The following CSMD1 variants were observed in gnomAD, a reference collection of about 807,000 sequenced individuals.
CSMD1 encodes the protein CUB and Sushi multiple domains 1, also known as CUB and sushi domain-containing protein 1.
In CSMD1, 213 loss-of-function variants were observed where a neutral mutation model predicts 417.5. That is an observed-to-expected ratio of 0.51 (90% CI 0.46 to 0.57). The LOEUF (loss-of-function observed/expected upper bound fraction) is 0.57, where lower values mean the gene tolerates loss of function less well. Ranked by LOEUF, CSMD1 falls within the 20% of genes least tolerant of loss-of-function variation. CSMD1 has a pLI of 0.00. For synonymous variants in CSMD1, 2,862 were observed against 1,736.8 expected, an observed-to-expected ratio of 1.65 and a Z score of -16.11; for missense variants, 6,923 against 4,529.7, an observed-to-expected ratio of 1.53 and a Z score of -15.17.
chr8:4,644,189 G>C lies in CSMD1; in HGVS notation c.86-6631C>G, dbSNP rs189487469. 2.4e-3 allele frequency among the ~76,000 whole-genome samples: 362 copies of C among 152,244 alleles called. 1 individual carries two copies. Among genetic ancestry groups the C allele is most frequent in the African/African-American group, 8.4e-3 (349 of 41,556 alleles). On this transcript the variant is annotated intron_variant, in intron 1 of 69. Transcript: ENST00000635120. ...GGTTTGTATCACTCCAAAAGGAAAA[G>C]GGAGGTTTTCACTGGTCAGTGTCAC...
intron 1 of CSMD1, among the ~76,000 whole-genome samples, chr8:4,829,877 T>C (rs1285314236): frequency 6.6e-6 from 1 of 152,214 alleles, no homozygotes; most frequent in East Asian, 1.9e-4. Flanking sequence ...GTACAAAGTT[T>C]ACTTTGAATG....
chr8:3,893,088 C>T (rs1244446376), intron 5 of CSMD1, among the ~76,000 whole-genome samples: 1 of 151,740 alleles, frequency 6.6e-6, no homozygotes, highest in African/African-American at 2.4e-5. Context: ...CTGGAATTAG[C>T]TTTCTATTAT....
chr8:3,729,217 A>G (rs1461957303), intron 6 of CSMD1, among the ~76,000 whole-genome samples: 1 of 152,092 alleles, frequency 6.6e-6, no homozygotes, highest in Non-Finnish European at 1.5e-5. Flanking sequence ...AAAAGACCTC[A>G]GGTCAGGCAC....
chr8:3,410,788 G>C (rs771569691), intron 12 of CSMD1, among the ~76,000 whole-genome samples: 1 of 152,112 alleles, frequency 6.6e-6, no homozygotes, highest in Non-Finnish European at 1.5e-5. Context: ...GTCCAGGCCG[G>C]AGTGCAGTGA....
chr8:4,452,870 C>T (rs1292435992), intron 2 of CSMD1, among the ~76,000 whole-genome samples: 3 of 152,056 alleles, frequency 2.0e-5, no homozygotes, highest in South Asian at 2.1e-4. Context: ...TATAGGAAGG[C>T]CGACTGTGAA....
intron 3 of CSMD1, among the ~76,000 whole-genome samples, chr8:4,384,891 T>C (rs1328213751): frequency 6.6e-6 from 1 of 152,178 alleles, no homozygotes; most frequent in Non-Finnish European, 1.5e-5. Context: ...TTCTGGTGAC[T>C]ATCAACAGAG....
At chr8:4,414,067 T>C (rs1335156347) in intron 3 of CSMD1, among the ~76,000 whole-genome samples, 1 of 152,228 alleles carries the variant, frequency 6.6e-6, no homozygotes, top group African/African-American at 2.4e-5. Context: ...GCCAGGTGCA[T>C]CATGCATGCT....
chr8:4,109,503 A>C (rs1362291171), intron 3 of CSMD1, among the ~76,000 whole-genome samples: 1 of 152,176 alleles, frequency 6.6e-6, no homozygotes, highest in Non-Finnish European at 1.5e-5. Flanking sequence ...GCTGTGCATG[A>C]ATAAGTAGAC....
intron 2 of CSMD1, among the ~76,000 whole-genome samples, chr8:4,537,654 T>G (rs1563267169): frequency 6.6e-6 from 1 of 152,182 alleles, no homozygotes; most frequent in Admixed American, 6.5e-5. Context: ...AGCATTGATT[T>G]GCATTACTTT....
intron 5 of CSMD1, among the ~76,000 whole-genome samples, chr8:3,957,849 C>T (rs899003716): frequency 2.0e-5 from 3 of 152,262 alleles, no homozygotes; most frequent in Admixed American, 1.3e-4. Flanking sequence ...TTATGTAGCC[C>T]ATAAGAGGCA....
Position 3,084,445 on chromosome 8 carries a change from C to G in CSMD1, c.7474+2652G>C, listed in dbSNP as rs760805346. 4.1e-5 allele frequency among the ~76,000 whole-genome samples: 6 copies of G among 147,350 alleles called. No homozygotes were observed. In the South Asian group the frequency reaches 6.5e-4, roughly 16 times the overall value. On this transcript the variant is annotated intron_variant, in intron 49 of 69. Transcript: ENST00000635120. ...GGCTGAGGCAGGAGAATTACTTGAA[C>G]CTGGGAGGCAGAAGTTGCCGTGAGC...
chr8:4,373,719 T>C (rs1802541862), intron 3 of CSMD1, among the ~76,000 whole-genome samples: 1 of 152,246 alleles, frequency 6.6e-6, no homozygotes, highest in Admixed American at 6.5e-5. Context: ...TACTGTCATC[T>C]TTCCCTCCGG....
intron 2 of CSMD1, among the ~76,000 whole-genome samples, chr8:4,538,558 G>C (rs373897362): frequency 1.3e-5 from 2 of 151,856 alleles, no homozygotes; most frequent in Non-Finnish European, 2.9e-5. Context: ...CAGGAGAATC[G>C]CTTGAACCCA....
At chr8:4,484,719 C>T (rs959300837) in intron 2 of CSMD1, among the ~76,000 whole-genome samples, 2 of 151,970 alleles carry the variant, frequency 1.3e-5, no homozygotes, top group East Asian at 1.9e-4. Flanking sequence ...CCTGTAATCT[C>T]AGCACTTTGG....
chr8:3,318,172 T>C (rs1457926228), intron 23 of CSMD1, among the ~76,000 whole-genome samples: 3 of 152,220 alleles, frequency 2.0e-5, no homozygotes, highest in African/African-American at 7.2e-5. Flanking sequence ...TATAGTACCT[T>C]AGGCTTGTAA....
intron 5 of CSMD1, among the ~76,000 whole-genome samples, chr8:3,830,370 C>T (rs559627472): frequency 6.6e-6 from 1 of 152,310 alleles, no homozygotes; most frequent in African/African-American, 2.4e-5. Flanking sequence ...AGGTTGCTTT[C>T]CCTCAAGGAG....
At chr8:3,641,333 C>A (rs115075305) in intron 7 of CSMD1, among the ~76,000 whole-genome samples, 1 of 152,080 alleles carries the variant, frequency 6.6e-6, no homozygotes, top group African/African-American at 2.4e-5. Context: ...AGCAATGGAA[C>A]CAACAATCCC....
chr8:3,853,825 A>T (rs987106687), intron 5 of CSMD1, among the ~76,000 whole-genome samples: 1 of 150,442 alleles, frequency 6.6e-6, no homozygotes, highest in Non-Finnish European at 1.5e-5. Context: ...CATATGTAAC[A>T]AACCTGCACA....
intron 5 of CSMD1, among the ~76,000 whole-genome samples, chr8:3,786,719 G>A (rs374853652): frequency 3.9e-5 from 6 of 152,312 alleles, no homozygotes; most frequent in South Asian, 2.1e-4. Context: ...TCTAGAGGGT[G>A]GAAGCCCATG....
Sources: allele counts gnomAD v4.1 joint callset (sites outside exome capture counted in the v4.1 genomes callset), GRCh38; gene constraint gnomAD v4.1.1; transcripts MANE v1.5; gene names NCBI Gene and HGNC (gene_info 2026-07-23, HGNC 2026-07-21).